The following RBPJ variants were observed in gnomAD, a reference collection of about 807,000 sequenced individuals.
The protein encoded by RBPJ is recombining binding protein suppressor of hairless.
RBPJ carries 9 observed loss-of-function variants against 67.8 expected under a neutral mutation model. The observed-to-expected ratio is 0.13, with a 90% CI of 0.08 to 0.23. The LOEUF is 0.23. Ranked by LOEUF, RBPJ falls within the 10% of genes least tolerant of loss-of-function variation. The probability of loss-of-function intolerance (pLI) is 1.00; values close to 1 mark genes in which losing one functional copy is unlikely to be tolerated. For synonymous variants in RBPJ, 198 were observed against 203.3 expected, an observed-to-expected ratio of 0.97 and a Z score of 0.22; for missense variants, 305 against 595.6, an observed-to-expected ratio of 0.51 and a Z score of 5.08.
intron 1 of RBPJ, among the ~76,000 whole-genome samples, chr4:26,370,237 A>C (rs1168053051): frequency 1.3e-5 from 2 of 152,056 alleles, no homozygotes; most frequent in Non-Finnish European, 2.9e-5. Context: ...AGTTAGAATG[A>C]CTCCCTTTCA....
At chr4:26,162,036 T>G (rs1274436494), upstream of RBPJ, among the ~76,000 whole-genome samples, 1 of 151,972 alleles carries the variant, frequency 6.6e-6, no homozygotes, top group Non-Finnish European at 1.5e-5. Context: ...GTTCAGTGAG[T>G]GAACAAAAGA....
At chr4:26,158,945 T>TC (rs1716025420), upstream of RBPJ, among the ~76,000 whole-genome samples, 6 of 136,732 alleles carry the variant, frequency 4.4e-5, no homozygotes, top group South Asian at 2.4e-4. Context: ...CTCTCTCTCT[T>TC]TCTCTCTCTC....
intron 1 of RBPJ, among the ~76,000 whole-genome samples, chr4:26,232,833 C>A (rs930427488): frequency 2.0e-5 from 3 of 152,152 alleles, no homozygotes; most frequent in Admixed American, 1.3e-4. Context: ...AATCATGAAA[C>A]CTGTGTCATA....
chr4:26,306,867 A>T (rs1304240549), intron 1 of RBPJ, among the ~76,000 whole-genome samples: 1 of 151,994 alleles, frequency 6.6e-6, no homozygotes, highest in Non-Finnish European at 1.5e-5. Flanking sequence ...AGGATTTTTT[A>T]AAAATTAAAT....
chr4:26,243,974 A>G (rs1440059300), intron 1 of RBPJ, among the ~76,000 whole-genome samples: 1 of 151,922 alleles, frequency 6.6e-6, no homozygotes, highest in East Asian at 1.9e-4. Flanking sequence ...GCTTACCTGT[A>G]GTTCCAGCTA....
chr4:26,147,659 C>T, the RBPJ span, among the ~76,000 whole-genome samples: 4 of 152,102 alleles, frequency 2.6e-5, no homozygotes, highest in East Asian at 1.9e-4. Context: ...CTCGCTCTGT[C>T]GCAGGCTGGA....
chr4:26,368,588 C>T (rs1485012237), intron 1 of RBPJ, among the ~76,000 whole-genome samples: 2 of 152,042 alleles, frequency 1.3e-5, no homozygotes, highest in African/African-American at 4.8e-5. Flanking sequence ...AATTTCTCCG[C>T]CTAGAGTGTA....
At chr4:26,348,081 C>T (rs577540461) in intron 1 of RBPJ, among the ~76,000 whole-genome samples, 16 of 151,924 alleles carry the variant, frequency 1.1e-4, no homozygotes, top group Non-Finnish European at 2.2e-4. Flanking sequence ...CCTGCCTCAG[C>T]CTCCTGAGTA....
intron 1 of RBPJ, among the ~76,000 whole-genome samples, chr4:26,270,377 G>GAAAGAA (rs1553855312): frequency 6.8e-5 from 3 of 44,140 alleles, no homozygotes; most frequent in Non-Finnish European, 1.5e-4. Flanking sequence ...AAGAAAGAAA[G>GAAAGAA]AAAGAAAGAA....
Position 26,390,182 on chromosome 4 carries a change from C to T in RBPJ, c.59+3791C>T, listed in dbSNP as rs563552556. Among the ~76,000 whole-genome samples, 17 of 152,124 alleles carry T rather than the reference C, an allele frequency of 1.1e-4. No homozygotes were observed. The South Asian group carries it at 2.9e-3, about 26-fold the overall frequency. On this transcript the variant is annotated intron_variant, in intron 2 of 10. Transcript: ENST00000355476. ...AAAAAGGAAAATCATATAGTTATCT[C>T]GGGATTTAGAAAAAGCTTTTGACAT...
intron 1 of RBPJ, among the ~76,000 whole-genome samples, chr4:26,288,563 AC>A (rs1332639368): frequency 6.6e-6 from 1 of 152,238 alleles, no homozygotes; most frequent in African/African-American, 2.4e-5. Flanking sequence ...CTGACTACAG[AC>A]CACACCCTAG....
intron 1 of RBPJ, among the ~76,000 whole-genome samples, chr4:26,245,203 A>ATT (rs869234645): frequency 0.026 from 2,584 of 98,106 alleles, 8 homozygotes; most frequent in Non-Finnish European, 0.033. Context: ...TCACTATTGT[A>ATT]TTTTTTTTTT....
At chr4:26,111,605 C>A in the RBPJ span, among the ~76,000 whole-genome samples, 2 of 152,208 alleles carry the variant, frequency 1.3e-5, no homozygotes, top group Non-Finnish European at 1.5e-5. Context: ...CCTGGCTCAT[C>A]CTTCCCCAGC....
At chr4:26,314,248 T>TA (rs1270612241) in intron 1 of RBPJ, among the ~76,000 whole-genome samples, 1 of 152,092 alleles carries the variant, frequency 6.6e-6, no homozygotes, top group African/African-American at 2.4e-5. Context: ...TATGTATAAT[T>TA]TAAAAAAAAA....
At chr4:26,368,900 AAC>A in intron 1 of RBPJ, among the ~76,000 whole-genome samples, 1 of 152,374 alleles carries the variant, frequency 6.6e-6, no homozygotes, top group East Asian at 1.9e-4. Flanking sequence ...GTGCAAGCAG[AAC>A]ACACTGAAAG....
rs184773410 is a variant in RBPJ at position 26,194,825 on chromosome 4, G to A, written c.-167+31211G>A. 9.2e-5 allele frequency among the ~76,000 whole-genome samples: 14 copies of A among 152,270 alleles called. No homozygotes were observed. The South Asian group carries it at 1.9e-3, about 20-fold the overall frequency. ...CCTCAGAGAGTGGCTGTGACCAGTGGTCCTGAAGTCTCTGCTGCCCTGGTT... is the reference window on the plus strand; with the variant it reads ...CCTCAGAGAGTGGCTGTGACCAGTGATCCTGAAGTCTCTGCTGCCCTGGTT... On this transcript the variant is annotated intron_variant, in intron 1 of 4. Coordinates refer to the RBPJ transcript ENST00000512351.
chr4:26,137,854 C>T, the RBPJ span, among the ~76,000 whole-genome samples: 77,627 of 151,958 alleles, frequency 0.51, 19,916 homozygotes, highest in East Asian at 0.59. Flanking sequence ...TGCATATTGA[C>T]TGGAATTGGC....
chr4:26,424,495 T>C lies in RBPJ; in HGVS notation c.634+16T>C, dbSNP rs374726921. The C allele has an allele frequency of 6.2e-7, 1 of 1,610,176 alleles. No individual in the cohort carries two copies. Among genetic ancestry groups the C allele is most frequent in the Non-Finnish European group, 8.5e-7 (1 of 1,178,134 alleles). On this transcript the variant is annotated intron_variant, in intron 6 of 10. Transcript: ENST00000355476. The surrounding 1 kb of genome is among the most constrained non-coding windows in gnomAD (Gnocchi z 5.3). ...ATTCATCTCTGTGAGTATAAAAGTGTGCATTTAATGTTTTTAGTGTGAAAT... is the reference window on the plus strand; with the variant it reads ...ATTCATCTCTGTGAGTATAAAAGTGCGCATTTAATGTTTTTAGTGTGAAAT...
intron 1 of RBPJ, among the ~76,000 whole-genome samples, chr4:26,282,136 C>T (rs7685884): frequency 0.46 from 22,764 of 49,594 alleles, 3,614 homozygotes; most frequent in African/African-American, 0.52. Context: ...CTCTCTCTCT[C>T]TTTTTTTTTT....
Sources: allele counts gnomAD v4.1 joint callset (sites outside exome capture counted in the v4.1 genomes callset), GRCh38; gene constraint gnomAD v4.1.1; non-coding constraint Gnocchi (gnomAD v3.1); transcripts MANE v1.5; gene names NCBI Gene and HGNC (gene_info 2026-07-23, HGNC 2026-07-21).